DDX55: variants seen among roughly 807,000 people sequenced by gnomAD.
DDX55 encodes the protein ATP-dependent RNA helicase DDX55.
Under a neutral mutation model 69.2 loss-of-function variants are expected in DDX55, and 56 were observed. That is an observed-to-expected ratio of 0.81 (90% confidence interval 0.65 to 1.01). DDX55 has a LOEUF of 1.01. DDX55 is among the 50% of genes least tolerant of loss of function. The pLI is 0.00. For missense variants in DDX55, 720 were observed against 745.1 expected, an observed-to-expected ratio of 0.97 and a Z score of 0.39; for synonymous variants, 268 against 273.1, an observed-to-expected ratio of 0.98 and a Z score of 0.18.
At chr12:123,613,611 C>A (rs2135722581) in intron 8 of DDX55, among the ~76,000 whole-genome samples, 1 of 152,234 alleles carries the variant, frequency 6.6e-6, no homozygotes, top group South Asian at 2.1e-4. Context: ...GCAGAGGGGG[C>A]TTAGGGCAAT....
At chr12:123,613,308 T>C (rs1037253735) in intron 8 of DDX55, 56 bp downstream of exon 8, 10 of 1,560,092 alleles carry the variant, frequency 6.4e-6, no homozygotes, top group East Asian at 2.2e-5. Context: ...AATGTGCAGG[T>C]GCATGCGGCC....
chr12:123,602,155 C>T lies in DDX55; in HGVS notation c.7C>T (p.His3Tyr). Residue 3 changes from histidine (H) to tyrosine (Y), a missense_variant, in exon 1 of 14, where the codon CAT (histidine) becomes TAT (tyrosine). By Grantham distance (83) the His-to-Tyr change is moderately conservative. Transcript: ENST00000238146. ...CGCGGCGAAGGAGCGCGCCATGGAG[C>T]ATGTGACAGAGGGCTCCTGGGAGTC... Reference protein sequence around the residue: MEHVTEGSWESLP... With the variant: MEYVTEGSWESLP... The T allele has an allele frequency of 1.3e-6, 2 of 1,555,330 alleles. No individual in the cohort carries two copies. The highest frequency in any genetic ancestry group is 2.4e-5 in the East Asian group (1 of 41,588).
At chr12:123,609,427 T>C (rs1954079489) in intron 6 of DDX55, among the ~76,000 whole-genome samples, 1 of 148,416 alleles carries the variant, frequency 6.7e-6, no homozygotes, top group Non-Finnish European at 1.5e-5. Context: ...CAGGCTAGAA[T>C]GCAGTGGCAT....
intron 6 of DDX55, 117 bp downstream of exon 6, chr12:123,608,946 A>G: frequency 2.0e-6 from 2 of 1,018,234 alleles, no homozygotes; most frequent in Admixed American, 3.4e-5. Flanking sequence ...TTTCATTTTT[A>G]TTTATTTTTT....
intron 13 of DDX55, 22 bp downstream of exon 13, chr12:123,619,746 A>G (rs1399289977): frequency 2.6e-6 from 4 of 1,554,524 alleles, no homozygotes; most frequent in East Asian, 2.2e-5. Flanking sequence ...TTTTACTTAC[A>G]TTAACTTAGA....
At chr12:123,617,521 G>T (rs756568982) in intron 10 of DDX55, among the ~76,000 whole-genome samples, 4 of 152,232 alleles carry the variant, frequency 2.6e-5, no homozygotes, top group Non-Finnish European at 5.9e-5. Flanking sequence ...CAGAGAGAAA[G>T]ATACAAGTTT....
At chr12:123,619,939 G>T in intron 13 of DDX55, 25 bp from the exon 14 acceptor site, 1 of 1,596,462 alleles carries the variant, frequency 6.3e-7, no homozygotes, top group Non-Finnish European at 8.5e-7. Context: ...AAATTTAGTA[G>T]TTTATTGGTT....
chr12:123,607,138 A>T (rs1221060253), intron 3 of DDX55, among the ~76,000 whole-genome samples: 1 of 152,252 alleles, frequency 6.6e-6, no homozygotes, highest in Non-Finnish European at 1.5e-5. Flanking sequence ...GTTGACAAAA[A>T]TGTCATGCCC....
chr12:123,603,985 T>G (rs786432), intron 1 of DDX55, among the ~76,000 whole-genome samples: 128,220 of 151,824 alleles, frequency 0.84, 54,525 homozygotes, highest in East Asian at 0.97. Context: ...GTGTTTTTAG[T>G]AGAGACGGGA....
Position 123,602,107 on chromosome 12 carries a change from C to T in DDX55, c.-42C>T, listed in dbSNP as rs761145800. 1.3e-5 allele frequency: 19 copies of T among 1,505,572 alleles called. No homozygotes were observed. The highest frequency in any genetic ancestry group is 6.3e-6 in the Non-Finnish European group (7 of 1,116,092). The allele number at this position is 1,505,572 out of a possible 1,614,324, so 93.3% of individuals were successfully genotyped here. ...AAGTGCTCGTTGGGGGTGCACAAGGCGCGTTCGAGCAGCGGCGACCGACGC... is the reference window on the plus strand; with the variant it reads ...AAGTGCTCGTTGGGGGTGCACAAGGTGCGTTCGAGCAGCGGCGACCGACGC... On this transcript the variant is annotated 5_prime_UTR_variant, in exon 1 of 14. Coordinates refer to ENST00000238146, the MANE Select transcript of DDX55 (RefSeq NM_020936.3).
chr12:123,605,830 C>T, intron 1 of DDX55, 101 bp from the exon 2 acceptor site: 1 of 1,498,022 alleles, frequency 6.7e-7, no homozygotes, highest in Non-Finnish European at 9.3e-7. Context: ...TGTGGTGGGA[C>T]CCACTGTGAC....
At chr12:123,606,264 C>T in intron 3 of DDX55, 105 bp downstream of exon 3, 1 of 1,402,146 alleles carries the variant, frequency 7.1e-7, no homozygotes. Flanking sequence ...AGCCGTGGCT[C>T]ACGCCTGTAA....
At chr12:123,618,005 C>G (rs1221568782) in intron 11 of DDX55, 133 bp downstream of exon 11, 5 of 763,094 alleles carry the variant, frequency 6.6e-6, no homozygotes, top group Non-Finnish European at 1.0e-5. Flanking sequence ...CAGTGGGGGG[C>G]CCTGGTGGGG....
At chr12:123,617,912 G>C (rs762467362) in intron 11 of DDX55, 40 bp downstream of exon 11, 5 of 1,564,076 alleles carry the variant, frequency 3.2e-6, no homozygotes. Flanking sequence ...GCCTAGTGAC[G>C]GGGTAGCTGG....
rs758447593 is a variant in DDX55 at position 123,605,969 on chromosome 12, C to T, written c.147C>T (p.Val49=). 51 of 1,614,002 alleles carry T rather than the reference C, an allele frequency of 3.2e-5. No homozygotes were observed. Among genetic ancestry groups the T allele is most frequent in the Non-Finnish European group, 4.1e-5 (48 of 1,180,030 alleles). The change falls in exon 2 of 14, where the codon GTC becomes GTT. Residue 49 remains valine (V), a synonymous_variant. Transcript: ENST00000238146. ...TIPLFMRNKD[V]AAEAVTGSGK... ...CTCTGTTCATGCGAAACAAAGATGTCGCTGCAGAAGCGGTGAGTGCCTCGG... is the reference window on the plus strand; with the variant it reads ...CTCTGTTCATGCGAAACAAAGATGTTGCTGCAGAAGCGGTGAGTGCCTCGG...
chr12:123,611,901 A>G (rs971567937), intron 7 of DDX55, among the ~76,000 whole-genome samples: 1 of 152,176 alleles, frequency 6.6e-6, no homozygotes, highest in East Asian at 1.9e-4. Flanking sequence ...TTTGGCCCCT[A>G]CCAGATTTAA....
intron 7 of DDX55, 76 bp from the exon 8 acceptor site, chr12:123,613,094 T>C: frequency 6.7e-7 from 1 of 1,490,112 alleles, no homozygotes; most frequent in South Asian, 1.1e-5. Context: ...TAAAATTTAA[T>C]GCTGAAACTG....
intron 3 of DDX55, among the ~76,000 whole-genome samples, chr12:123,606,673 C>T (rs1953914086): frequency 6.6e-6 from 1 of 151,714 alleles, no homozygotes; most frequent in Admixed American, 6.6e-5. Flanking sequence ...TCACTGCAAC[C>T]TCCACCTCCC....
At chr12:123,619,137 G>A (rs1954942141) in intron 12 of DDX55, among the ~76,000 whole-genome samples, 1 of 152,162 alleles carries the variant, frequency 6.6e-6, no homozygotes, top group African/African-American at 2.4e-5. Flanking sequence ...CGAGTAGCTG[G>A]GACTACAGGC....
Sources: gnomAD v4.1 joint callset for allele counts (sites outside exome capture counted in the v4.1 genomes callset) on GRCh38, gnomAD v4.1.1 for gene constraint, MANE v1.5 for transcripts, NCBI Gene and HGNC (gene_info 2026-07-23, HGNC 2026-07-21) for gene names.